The following POLA1 variants were observed in gnomAD, a reference collection of about 807,000 sequenced individuals.
POLA1 encodes the protein DNA polymerase alpha catalytic subunit.
A neutral mutation model predicts 124.0 loss-of-function variants in POLA1; 15 were observed. That is an observed-to-expected ratio of 0.12 (90% CI 0.08 to 0.19). The LOEUF (loss-of-function observed/expected upper bound fraction) is 0.19. Among genes scored for constraint, POLA1 ranks in the 10% least tolerant of loss-of-function variants. POLA1 has a pLI of 1.00. For missense variants in POLA1, 886 were observed against 1,103.4 expected (o/e 0.80, Z 2.79); for synonymous variants, 408 against 389.4 (o/e 1.05, Z -0.56).
At chrX:24,967,557 G>C (rs1005019148) in intron 36 of POLA1, among the ~76,000 whole-genome samples, 1 of 110,294 alleles carries the variant, frequency 9.1e-6, no homozygotes, top group Non-Finnish European at 1.9e-5. Flanking sequence ...GCTACTTGTG[G>C]GACTGCAACA....
At chrX:24,788,697 G>C in intron 26 of POLA1, 1 of 1,204,118 alleles carries the variant, frequency 8.3e-7, no homozygotes, top group Admixed American at 2.2e-5. Context: ...GATTCATATT[G>C]TGCAAGACGT....
intron 35 of POLA1, among the ~76,000 whole-genome samples, chrX:24,894,757 A>G (rs372555881): frequency 3.7e-5 from 4 of 108,568 alleles, no homozygotes; most frequent in African/African-American, 6.7e-5. Context: ...TCCTGTACCA[A>G]TACTCTATTT....
chrX:24,992,828 A>G (rs2048550301), intron 36 of POLA1, among the ~76,000 whole-genome samples: 1 of 112,811 alleles, frequency 8.9e-6, no homozygotes, highest in Non-Finnish European at 1.9e-5. Context: ...AAAATATTTA[A>G]GAAAGGTCAA....
intron 11 of POLA1, among the ~76,000 whole-genome samples, chrX:24,723,637 A>G (rs1340519360): frequency 1.8e-5 from 2 of 111,989 alleles, no homozygotes; most frequent in African/African-American, 6.5e-5. Flanking sequence ...CAGCAGTGAT[A>G]TTCCCTCCAT....
intron 27 of POLA1, 69 bp downstream of exon 27, chrX:24,809,999 A>G (rs951938022): frequency 7.6e-6 from 5 of 658,269 alleles, no homozygotes; most frequent in Non-Finnish European, 1.2e-5. Flanking sequence ...TATTCAAGGA[A>G]AATTGTAACC....
intron 26 of POLA1, among the ~76,000 whole-genome samples, chrX:24,751,383 A>G (rs1159462320): frequency 8.9e-6 from 1 of 112,220 alleles, no homozygotes; most frequent in African/African-American, 3.2e-5. Context: ...GTTATATAAA[A>G]TATAACAATA....
chrX:24,980,667 CT>C (rs780833296), intron 36 of POLA1, among the ~76,000 whole-genome samples: 299 of 97,369 alleles, frequency 3.1e-3, no homozygotes, highest in African/African-American at 7.7e-3. Context: ...TTGTATGTGG[CT>C]TTTTTTTTTT....
At chrX:24,895,778 C>G (rs912354055) in intron 35 of POLA1, among the ~76,000 whole-genome samples, 3 of 112,260 alleles carry the variant, frequency 2.7e-5, no homozygotes, top group African/African-American at 9.7e-5. Context: ...TTTGTCTTCT[C>G]CAAAGTATTG....
intron 15 of POLA1, among the ~76,000 whole-genome samples, chrX:24,731,524 CT>C (rs1265722051): frequency 8.9e-6 from 1 of 112,043 alleles, no homozygotes; most frequent in Non-Finnish European, 1.9e-5. Flanking sequence ...AACTTCTTAT[CT>C]TTCAGAGTGG....
In POLA1 at chrX:24,812,777, G is replaced by C; in HGVS notation, c.3210G>C (p.Ser1070=). 1 of 1,204,749 alleles carries C rather than the reference G, an allele frequency of 8.3e-7. No homozygotes were observed. The highest frequency in any genetic ancestry group is 1.1e-6 in the Non-Finnish European group (1 of 889,387). Residue 1070 remains serine (S), a synonymous_variant, in exon 29 of 37, where the codon TCG becomes TCC. Coordinates refer to ENST00000379068, the MANE Select transcript of POLA1 (RefSeq NM_001330360.2). ...KYAALVVEPT[S]DGNYVTKQEL... ...CTGCTCTGGTTGTTGAGCCAACGTC[G>C]GATGGGAATTATGTCACCAAACAGG...
chrX:24,739,609 A>G, intron 20 of POLA1, 59 bp downstream of exon 20: 1 of 729,987 alleles, frequency 1.4e-6, no homozygotes, highest in Non-Finnish European at 2.0e-6. Context: ...GCAGGACACT[A>G]CTAGTACTAT....
intron 34 of POLA1, among the ~76,000 whole-genome samples, chrX:24,856,957 C>T (rs1441502662): frequency 9.0e-6 from 1 of 110,723 alleles, no homozygotes; most frequent in Non-Finnish European, 1.9e-5. Context: ...TTTTCATTCT[C>T]TTGATAGTGT....
intron 30 of POLA1, 37 bp from the exon 31 acceptor site, chrX:24,821,415 A>G (rs768778436): frequency 8.7e-7 from 1 of 1,154,819 alleles, no homozygotes; most frequent in South Asian, 2.0e-5. Context: ...GAAGGGTTTT[A>G]TTTTAAGGCT....
At chrX:24,947,683 T>C (rs2047984413) in intron 36 of POLA1, among the ~76,000 whole-genome samples, 1 of 111,867 alleles carries the variant, frequency 8.9e-6, no homozygotes, top group African/African-American at 3.3e-5. Flanking sequence ...TCCAGAAAGC[T>C]CTCGTGAAGG....
chrX:24,839,655 G>A lies in POLA1; in HGVS notation c.3737-1997G>A, dbSNP rs771291524. On this transcript the variant is annotated intron_variant, in intron 32 of 36. Transcript: ENST00000379068. ...GTAGCCTGGCCAATTTTGTATATGT[G>A]CAAACCAGCATTGTTTTGTTCCTTT... is the stretch of plus-strand genomic sequence containing the variant. Among the ~76,000 whole-genome samples the A allele has an allele frequency of 3.6e-5, 4 of 112,003 alleles. No homozygotes were observed. The East Asian group carries it at 8.4e-4, about 24-fold the overall frequency.
chrX:24,958,937 T>G (rs2048138533), intron 36 of POLA1, among the ~76,000 whole-genome samples: 1 of 111,905 alleles, frequency 8.9e-6, no homozygotes, highest in Admixed American at 9.5e-5. Flanking sequence ...TCAGACTGAC[T>G]TTTGGACTCG....
At chrX:24,975,668 G>A (rs957575252) in intron 36 of POLA1, among the ~76,000 whole-genome samples, 3 of 112,003 alleles carry the variant, frequency 2.7e-5, no homozygotes, top group Non-Finnish European at 3.8e-5. Context: ...GTATGATTTC[G>A]AAAAAAGTTT....
intron 2 of POLA1, among the ~76,000 whole-genome samples, 165 bp from the exon 3 acceptor site, chrX:24,703,086 A>G (rs1928566345): frequency 8.9e-6 from 1 of 112,379 alleles, no homozygotes; most frequent in African/African-American, 3.2e-5. Context: ...ATGTCTATTT[A>G]AGGAAAACCC....
At chrX:24,753,658 T>C (rs1048575273) in intron 26 of POLA1, among the ~76,000 whole-genome samples, 4 of 112,137 alleles carry the variant, frequency 3.6e-5, no homozygotes, top group Non-Finnish European at 7.5e-5. Context: ...CCTGGCTTTA[T>C]TGGGGAATTT....
Sources: allele counts gnomAD v4.1 joint callset (sites outside exome capture counted in the v4.1 genomes callset), GRCh38; gene constraint gnomAD v4.1.1; transcripts MANE v1.5; gene names NCBI Gene and HGNC (gene_info 2026-07-23, HGNC 2026-07-21).